The following CHODL variants were observed in gnomAD, a reference collection of about 807,000 sequenced individuals.
CHODL encodes the protein chondrolectin, also known as transmembrane protein MT75.
In CHODL, 29 loss-of-function variants were observed where a neutral mutation model predicts 34.5. That is an observed-to-expected ratio of 0.84 (90% CI 0.63 to 1.15). The LOEUF (loss-of-function observed/expected upper bound fraction) is 1.15, where lower values mean the gene tolerates loss of function less well. Among genes scored for constraint, CHODL ranks in the 50% most tolerant of loss-of-function variants. CHODL has a pLI of 0.00. For synonymous variants in CHODL, 125 were observed against 116.1 expected, an observed-to-expected ratio of 1.08 and a Z score of -0.49; for missense variants, 332 against 332.5, an observed-to-expected ratio of 1.00 and a Z score of 0.01.
chr21:18,064,599 T>C (rs2064708175), intron 2 of CHODL, among the ~76,000 whole-genome samples: 1 of 152,172 alleles, frequency 6.6e-6, no homozygotes, highest in Non-Finnish European at 1.5e-5. Flanking sequence ...AGACTGGAAC[T>C]TGCACCATTG....
chr21:18,216,686 TCA>T (rs1389801930), intron 2 of CHODL, among the ~76,000 whole-genome samples: 1 of 152,170 alleles, frequency 6.6e-6, no homozygotes, highest in Non-Finnish European at 1.5e-5. Context: ...TTTAATTGAC[TCA>T]CAGTTCCACA....
At chr21:18,261,680 AT>A (rs1485960532) in intron 4 of CHODL, among the ~76,000 whole-genome samples, 2 of 152,090 alleles carry the variant, frequency 1.3e-5, no homozygotes, top group South Asian at 2.1e-4. Flanking sequence ...CAAAAAAAAA[AT>A]ATTCAGTAAT....
At chr21:17,984,649 C>G (rs1392114274) in intron 1 of CHODL, among the ~76,000 whole-genome samples, 3 of 151,038 alleles carry the variant, frequency 2.0e-5, no homozygotes, top group African/African-American at 7.3e-5. Flanking sequence ...TATAGTCATA[C>G]CAGTCTTTTT....
At chr21:18,225,409 A>G (rs1403911070) in intron 2 of CHODL, among the ~76,000 whole-genome samples, 2 of 152,140 alleles carry the variant, frequency 1.3e-5, no homozygotes, top group Non-Finnish European at 2.9e-5. Flanking sequence ...AAATTTGCTC[A>G]CCATTAGAAA....
intron 2 of CHODL, among the ~76,000 whole-genome samples, chr21:18,048,474 A>G (rs1300991755): frequency 6.6e-6 from 1 of 152,064 alleles, no homozygotes; most frequent in Non-Finnish European, 1.5e-5. Flanking sequence ...TGTTCGGTGC[A>G]TAGTTTTTAC....
chr21:18,016,431 T>G (rs1299420241), intron 1 of CHODL, among the ~76,000 whole-genome samples: 2 of 152,096 alleles, frequency 1.3e-5, no homozygotes, highest in African/African-American at 2.4e-5. Context: ...TTTCAGAGGA[T>G]ATATGAAAAT....
chr21:18,135,115 C>T (rs1326857850), intron 2 of CHODL, among the ~76,000 whole-genome samples: 1 of 152,184 alleles, frequency 6.6e-6, no homozygotes, highest in African/African-American at 2.4e-5. Context: ...ATGGCACTCT[C>T]TATCTCTCTT....
In CHODL at chr21:18,134,092, A is replaced by C. The variant is rs559284693; in HGVS notation, c.-45+106121A>C. On this transcript the variant is annotated intron_variant, in intron 2 of 6. Coordinates refer to the CHODL transcript ENST00000400127. Reference sequence around the variant, plus strand: ...TAAGCACGATATACACATTTACACAATGATGAACAAAAGTCTAGGCAGGGA... The same window carrying C: ...TAAGCACGATATACACATTTACACACTGATGAACAAAAGTCTAGGCAGGGA... Among the ~76,000 whole-genome samples, 8 of 152,280 alleles carry C rather than the reference A, an allele frequency of 5.3e-5. No homozygotes were observed. The East Asian group carries it at 1.4e-3, about 26-fold the overall frequency.
At chr21:18,120,434 T>A (rs2065465872) in intron 2 of CHODL, among the ~76,000 whole-genome samples, 1 of 152,122 alleles carries the variant, frequency 6.6e-6, no homozygotes, top group Non-Finnish European at 1.5e-5. Context: ...TCTGTCCACA[T>A]CCCTGTCATT....
chr21:18,025,436 C>T (rs2064165299), intron 1 of CHODL, among the ~76,000 whole-genome samples: 1 of 152,068 alleles, frequency 6.6e-6, no homozygotes, highest in African/African-American at 2.4e-5. Flanking sequence ...TCCAAAGCCC[C>T]TCTGGCTATC....
At chr21:18,171,486 C>T (rs568553707) in intron 2 of CHODL, among the ~76,000 whole-genome samples, 7 of 152,054 alleles carry the variant, frequency 4.6e-5, no homozygotes, top group African/African-American at 1.7e-4. Context: ...GGATTACAGG[C>T]GTGAGCCACC....
chr21:17,943,221 C>T (rs1011788094), intron 1 of CHODL, among the ~76,000 whole-genome samples: 1 of 152,074 alleles, frequency 6.6e-6, no homozygotes, highest in Non-Finnish European at 1.5e-5. Context: ...GTGAAGTGGG[C>T]CTGATTTAAT....
chr21:18,074,489 C>T (rs1021908906), intron 2 of CHODL, among the ~76,000 whole-genome samples: 1 of 152,036 alleles, frequency 6.6e-6, no homozygotes, highest in Non-Finnish European at 1.5e-5. Context: ...ACATACATAT[C>T]GAGACATTGC....
intron 2 of CHODL, among the ~76,000 whole-genome samples, chr21:18,217,787 G>C (rs2073844819): frequency 6.6e-6 from 1 of 152,068 alleles, no homozygotes; most frequent in African/African-American, 2.4e-5. Flanking sequence ...AGATACAATG[G>C]GGTACAGGCA....
intron 2 of CHODL, among the ~76,000 whole-genome samples, chr21:18,094,987 G>A (rs984853190): frequency 4.6e-5 from 7 of 151,926 alleles, no homozygotes; most frequent in African/African-American, 1.7e-4. Context: ...AGCTGGGTGT[G>A]GTGATGCATG....
intron 2 of CHODL, among the ~76,000 whole-genome samples, chr21:18,105,620 G>A (rs998233514): frequency 6.6e-6 from 1 of 152,106 alleles, no homozygotes; most frequent in African/African-American, 2.4e-5. Flanking sequence ...TTTGAAAACT[G>A]CCAATGCCTC....
intron 1 of CHODL, among the ~76,000 whole-genome samples, chr21:18,012,146 G>A (rs560521917): frequency 1.3e-5 from 2 of 152,282 alleles, no homozygotes; most frequent in South Asian, 4.1e-4. Context: ...TTGGTGGATG[G>A]GCATTTGAAG....
intron 2 of CHODL, among the ~76,000 whole-genome samples, chr21:18,129,742 A>T (rs1460391628): frequency 6.6e-6 from 1 of 152,162 alleles, no homozygotes; most frequent in Non-Finnish European, 1.5e-5. Context: ...ATCCGGGGGA[A>T]ATCATATTTG....
At chr21:18,156,513 C>G (rs996048819) in intron 2 of CHODL, among the ~76,000 whole-genome samples, 2 of 152,014 alleles carry the variant, frequency 1.3e-5, no homozygotes, top group African/African-American at 4.8e-5. Context: ...TAAAAATGAT[C>G]GTTCATATAA....
Sources: allele counts gnomAD v4.1 joint callset (sites outside exome capture counted in the v4.1 genomes callset), GRCh38; gene constraint gnomAD v4.1.1; transcripts MANE v1.5; gene names NCBI Gene and HGNC (gene_info 2026-07-23, HGNC 2026-07-21).